Variants in ZRANB3 observed in about 807,000 individuals in gnomAD.
The protein encoded by ZRANB3 is DNA annealing helicase and endonuclease ZRANB3.
ZRANB3 carries 125 observed loss-of-function variants against 133.8 expected under a neutral mutation model. That is an observed-to-expected ratio of 0.93 (90% CI 0.81 to 1.08). The LOEUF (loss-of-function observed/expected upper bound fraction) is 1.08, where lower values mean the gene tolerates loss of function less well. ZRANB3 is among the 50% of genes least tolerant of loss of function. ZRANB3 has a pLI of 0.00. For synonymous variants in ZRANB3, 387 were observed against 432.7 expected, an observed-to-expected ratio of 0.89 and a Z score of 1.31; for missense variants, 1,229 against 1,275.5, an observed-to-expected ratio of 0.96 and a Z score of 0.56.
intron 2 of ZRANB3, among the ~76,000 whole-genome samples, chr2:135,490,698 T>C (rs537398552): frequency 2.6e-5 from 4 of 152,336 alleles, no homozygotes; most frequent in Admixed American, 6.5e-5. Flanking sequence ...ATGTTTACTG[T>C]AGCAATGTAC....
intron 18 of ZRANB3, among the ~76,000 whole-genome samples, chr2:135,208,580 G>C (rs1179478730): frequency 6.6e-6 from 1 of 152,194 alleles, no homozygotes; most frequent in African/African-American, 2.4e-5. Context: ...AAGATTCGGG[G>C]ACAGAGCCCA....
At chr2:135,419,251 T>G (rs1688731513) in intron 2 of ZRANB3, among the ~76,000 whole-genome samples, 1 of 152,032 alleles carries the variant, frequency 6.6e-6, no homozygotes, top group Admixed American at 6.6e-5. Flanking sequence ...TTTTTCTTAT[T>G]TTCAACCAAA....
In ZRANB3 at chr2:135,303,611, G is replaced by A. The variant is rs76145990; in HGVS notation, c.966+9878C>T. On this transcript the variant is annotated intron_variant, in intron 8 of 20. Coordinates refer to ENST00000264159, the MANE Select transcript of ZRANB3 (RefSeq NM_032143.4). ...GTATTTATATAATGTAGTGTGACTC[G>A]TTCAAAATTGTTTTGGCTATAGTAA... Among the ~76,000 whole-genome samples the A allele has an allele frequency of 7.9e-5, 12 of 151,906 alleles. No individual in the cohort carries two copies. In the South Asian group the frequency reaches 1.9e-3, roughly 24 times the overall value.
intron 8 of ZRANB3, among the ~76,000 whole-genome samples, chr2:135,299,322 G>T (rs1682320237): frequency 6.6e-6 from 1 of 152,090 alleles, no homozygotes; most frequent in Non-Finnish European, 1.5e-5. Flanking sequence ...CAGCTCCCAG[G>T]CAGCCAGCAA....
At chr2:135,446,767 C>T (rs956740120) in intron 2 of ZRANB3, among the ~76,000 whole-genome samples, 1 of 151,990 alleles carries the variant, frequency 6.6e-6, no homozygotes, top group South Asian at 2.1e-4. Context: ...AAAGGTGTAG[C>T]GTTTGGAAGG....
At chr2:135,339,728 T>A (rs1558927998) in intron 6 of ZRANB3, among the ~76,000 whole-genome samples, 1 of 152,234 alleles carries the variant, frequency 6.6e-6, no homozygotes, top group African/African-American at 2.4e-5. Context: ...CTTACTGTAG[T>A]TTCAATTTAA....
Position 135,514,854 on chromosome 2 carries a change from T to A in ZRANB3, c.-7-10358A>T, listed in dbSNP as rs150951480. 4.4e-3 allele frequency among the ~76,000 whole-genome samples: 673 copies of A among 152,132 alleles called. 8 individuals carry two copies. The highest frequency in any genetic ancestry group is 0.015 in the African/African-American group (630 of 41,480). On this transcript the variant is annotated intron_variant, in intron 1 of 20. Transcript: ENST00000264159. ...GACAGTTTTTTTTAGCATGAAGGGG[T>A]GTTGAATTTTATGGAAGGCCTTTTC...
At chr2:135,412,245 C>T (rs1688339800) in intron 2 of ZRANB3, among the ~76,000 whole-genome samples, 1 of 152,114 alleles carries the variant, frequency 6.6e-6, no homozygotes, top group Admixed American at 6.6e-5. Context: ...ATGGGCTAGA[C>T]ATGGGCTGCT....
intron 2 of ZRANB3, among the ~76,000 whole-genome samples, chr2:135,475,405 ATAAC>A (rs964493348): frequency 2.6e-5 from 4 of 152,182 alleles, no homozygotes; most frequent in Admixed American, 6.5e-5. Context: ...AAATATGTAA[ATAAC>A]TAACTCACAA....
Position 135,483,323 on chromosome 2 carries a change from ACTT to A in ZRANB3, c.161+21003_161+21005del, listed in dbSNP as rs1182362531. ...TGTTATTAGTCTATTCAGAGATTCA[ACTT>A]CTTCCTGGTCTAGTCTTGGGAGAGT... On this transcript the variant is annotated intron_variant, in intron 2 of 20. Transcript: ENST00000264159. 3.3e-5 allele frequency among the ~76,000 whole-genome samples: 5 copies of A among 152,176 alleles called. No individual in the cohort carries two copies. In the East Asian group the frequency reaches 9.6e-4, roughly 29 times the overall value.
chr2:135,199,729 G>T lies in ZRANB3; in HGVS notation c.*613C>A, dbSNP rs1451573611. The T allele has an allele frequency of 2.0e-5, 3 of 152,162 alleles. No homozygotes were observed. The East Asian group carries it at 5.8e-4, about 29-fold the overall frequency. The allele number at this position is 152,162 out of a possible 1,614,324, so 9.4% of individuals were successfully genotyped here. A position where few individuals can be genotyped will look rare whatever the true frequency, so the allele number is the denominator to read the frequency against. The stretch of plus-strand genomic sequence containing the variant: ...TTACTTTACACAGAACCCCCAAATT[G>T]TCCACAAACACCATAGGTACCTCAT... On this transcript the variant is annotated 3_prime_UTR_variant, in exon 21 of 21. Coordinates refer to ENST00000264159, the MANE Select transcript of ZRANB3 (RefSeq NM_032143.4).
intron 1 of ZRANB3, chr2:135,511,005 T>C (rs1693428069): frequency 1.3e-6 from 1 of 782,430 alleles, no homozygotes; most frequent in African/African-American, 1.7e-5. Flanking sequence ...GGGTCCCCTT[T>C]GGGGAGGAAT....
intron 12 of ZRANB3, among the ~76,000 whole-genome samples, chr2:135,241,338 T>A (rs1282197115): frequency 2.6e-5 from 4 of 151,692 alleles, no homozygotes; most frequent in Admixed American, 1.3e-4. Context: ...ATTTTTAACA[T>A]CTAAAAGTTC....
intron 6 of ZRANB3, among the ~76,000 whole-genome samples, chr2:135,340,308 G>A (rs1684584146): frequency 6.6e-6 from 1 of 151,856 alleles, no homozygotes. Context: ...GTTTCACCAT[G>A]TTGGCCAAAC....
chr2:135,238,916 G>A (rs975393975), intron 12 of ZRANB3: 3 of 152,164 alleles, frequency 2.0e-5, no homozygotes, highest in African/African-American at 7.2e-5. Flanking sequence ...GAAGTTTTCA[G>A]CCCCTGGCAT....
chr2:135,364,788 C>T (rs918286476), intron 3 of ZRANB3, among the ~76,000 whole-genome samples: 18 of 152,054 alleles, frequency 1.2e-4, no homozygotes, highest in Admixed American at 9.2e-4. Flanking sequence ...CGGTGGCTAA[C>T]GCCTGTAATC....
At chr2:135,390,683 CTCCCCA>C in intron 3 of ZRANB3, 113 bp downstream of exon 3, 1 of 1,354,648 alleles carries the variant, frequency 7.4e-7, no homozygotes, top group Non-Finnish European at 1.0e-6. Flanking sequence ...CTTTCTCTCT[CTCCCCA>C]TCCCCATATA....
intron 1 of ZRANB3, among the ~76,000 whole-genome samples, chr2:135,512,424 T>C (rs922446963): frequency 6.6e-5 from 10 of 152,040 alleles, no homozygotes; most frequent in Admixed American, 3.9e-4. Context: ...ATATAAACTT[T>C]GGGGAGATAA....
At chr2:135,478,331 A>C (rs999164990) in intron 2 of ZRANB3, among the ~76,000 whole-genome samples, 12 of 152,130 alleles carry the variant, frequency 7.9e-5, no homozygotes, top group African/African-American at 7.2e-5. Flanking sequence ...TTTTCATAAA[A>C]AGAGCATACC....
Sources: allele counts gnomAD v4.1 joint callset (sites outside exome capture counted in the v4.1 genomes callset), GRCh38; gene constraint gnomAD v4.1.1; transcripts MANE v1.5; gene names NCBI Gene and HGNC (gene_info 2026-07-23, HGNC 2026-07-21).